Variants in WDFY1 observed in about 807,000 individuals in gnomAD.
WDFY1 encodes WD repeat and FYVE domain containing 1, also known as WD repeat and FYVE domain-containing protein 1.
In WDFY1, 32 loss-of-function variants were observed where a neutral mutation model predicts 56.4. The observed-to-expected ratio is 0.57, with a 90% confidence interval of 0.43 to 0.76. WDFY1 has a LOEUF of 0.76. Ranked by LOEUF, WDFY1 falls within the 30% of genes least tolerant of loss-of-function variation. The probability of loss-of-function intolerance (pLI) is 0.00; values close to 1 mark genes in which losing one functional copy is unlikely to be tolerated. For synonymous variants in WDFY1, 192 were observed against 197.3 expected (o/e 0.97, Z 0.23); for missense variants, 480 against 545.7 (o/e 0.88, Z 1.20).
rs1185534278 is a variant in WDFY1 at position 223,875,848 on chromosome 2, T to C, written c.*2823A>G. The stretch of plus-strand genomic sequence containing the variant: ...GTAGAAGTACTTTAACGAAAACTGA[T>C]TTTAGAAAAATATCTCCTTGGGTCT... On this transcript the variant is annotated 3_prime_UTR_variant, in exon 12 of 12. Coordinates refer to ENST00000233055, the MANE Select transcript of WDFY1 (RefSeq NM_020830.5). The C allele has an allele frequency of 1.3e-5, 2 of 152,154 alleles. No homozygotes were observed. Among genetic ancestry groups the C allele is most frequent in the Admixed American group, 6.5e-5 (1 of 15,270 alleles). 9.4% of individuals were successfully genotyped at this position (152,154 alleles called of 1,614,324 possible).
Position 223,917,938 on chromosome 2 carries a change from C to T in WDFY1, c.205+5G>A. 2 of 1,614,006 alleles carry T rather than the reference C, an allele frequency of 1.2e-6. No homozygotes were observed. Among genetic ancestry groups the T allele is most frequent in the South Asian group, 2.2e-5 (2 of 91,048 alleles). On this transcript the variant is annotated splice_donor_5th_base_variant and intron_variant, in intron 2 of 11. Transcript: ENST00000233055. Reference sequence around the variant, plus strand: ...TCTCTCAAATGGAACAGTTCAGCTACTTACAGGCCATTGTGTGGTAAATGC... The same window carrying T: ...TCTCTCAAATGGAACAGTTCAGCTATTTACAGGCCATTGTGTGGTAAATGC...
At chr2:223,918,162 T>C (rs530604943) in intron 1 of WDFY1, 152 bp from the exon 2 acceptor site, 108 of 655,424 alleles carry the variant, frequency 1.6e-4, no homozygotes, top group African/African-American at 1.6e-3. Context: ...TATACATACA[T>C]GTACACATAC....
chr2:223,939,028 T>C (rs1689250412), intron 1 of WDFY1, among the ~76,000 whole-genome samples: 1 of 152,060 alleles, frequency 6.6e-6, no homozygotes, highest in Non-Finnish European at 1.5e-5. Context: ...CTAATTTCTG[T>C]ATTCAGTATT....
At chr2:223,902,813 G>A (rs1693527029) in intron 4 of WDFY1, among the ~76,000 whole-genome samples, 1 of 150,708 alleles carries the variant, frequency 6.6e-6, no homozygotes, top group Admixed American at 6.6e-5. Context: ...TACGCCTAAA[G>A]TCTAATAAGT....
chr2:223,938,573 G>A (rs1164792153), intron 1 of WDFY1, among the ~76,000 whole-genome samples: 1 of 152,168 alleles, frequency 6.6e-6, no homozygotes, highest in Non-Finnish European at 1.5e-5. Flanking sequence ...CATACAAGAA[G>A]TAGTACCATT....
intron 1 of WDFY1, among the ~76,000 whole-genome samples, chr2:223,925,122 G>C (rs1417496036): frequency 2.0e-5 from 3 of 151,222 alleles, no homozygotes; most frequent in African/African-American, 7.3e-5. Flanking sequence ...GTTAATGATA[G>C]AGTAATTCAA....
At chr2:223,880,045 A>T in intron 11 of WDFY1, 79 bp downstream of exon 11, 1 of 1,219,180 alleles carries the variant, frequency 8.2e-7, no homozygotes, top group Non-Finnish European at 1.2e-6. Context: ...AGTCAGAAAG[A>T]GTGACTGTCT....
At chr2:223,916,090 T>G (rs1423071298) in intron 2 of WDFY1, among the ~76,000 whole-genome samples, 1 of 152,336 alleles carries the variant, frequency 6.6e-6, no homozygotes, top group Non-Finnish European at 1.5e-5. Flanking sequence ...CCTTTCATAA[T>G]AGTTATCTTT....
Position 223,901,248 on chromosome 2 carries a change from C to A in WDFY1, c.420G>T (p.Trp140Cys), listed in dbSNP as rs2106082402. The change falls in exon 5 of 12, where the codon TGG (tryptophan) becomes TGT (cysteine). Residue 140 changes from tryptophan (W) to cysteine (C), a missense_variant. Transcript: ENST00000233055. Reference sequence around the variant, plus strand: ...GCATGTTCCCGCTCCGCGTGCACATCCAGCTCACACACTTGTCGTGGCCGG... The same window carrying A: ...GCATGTTCCCGCTCCGCGTGCACATACAGCTCACACACTTGTCGTGGCCGG... ...ISTGHDKCVS[W>C]MCTRSGNMLG... The A allele has an allele frequency of 6.2e-7, 1 of 1,614,156 alleles. No individual in the cohort carries two copies. The highest frequency in any genetic ancestry group is 8.5e-7 in the Non-Finnish European group (1 of 1,180,022).
intron 8 of WDFY1, among the ~76,000 whole-genome samples, chr2:223,887,504 G>A (rs996744646): frequency 3.3e-5 from 5 of 152,176 alleles, no homozygotes; most frequent in South Asian, 4.1e-4. Flanking sequence ...CAGGGAATTC[G>A]ATGTTTAATT....
At chr2:223,895,290 T>TTTTG (rs141841329) in intron 7 of WDFY1, among the ~76,000 whole-genome samples, 2 of 152,088 alleles carry the variant, frequency 1.3e-5, no homozygotes, top group Non-Finnish European at 2.9e-5. Flanking sequence ...GCATTTGTTT[T>TTTTG]TTTGTTTGTT....
intron 2 of WDFY1, among the ~76,000 whole-genome samples, chr2:223,915,884 G>C (rs1462791562): frequency 6.6e-6 from 1 of 152,120 alleles, no homozygotes; most frequent in Non-Finnish European, 1.5e-5. Context: ...TATCAGACAG[G>C]CTCCATAAGC....
At chr2:223,896,744 C>T (rs985886129) in intron 6 of WDFY1, among the ~76,000 whole-genome samples, 17 of 152,182 alleles carry the variant, frequency 1.1e-4, no homozygotes, top group Admixed American at 5.2e-4. Context: ...CATACACTTT[C>T]CAAAAACAGA....
At chr2:223,926,631 C>CAT in intron 1 of WDFY1, among the ~76,000 whole-genome samples, 1 of 146,904 alleles carries the variant, frequency 6.8e-6, no homozygotes, top group East Asian at 2.0e-4. Context: ...GTGTGTATTT[C>CAT]ATATATATAC....
chr2:223,890,832 G>A (rs1434655566), intron 8 of WDFY1, among the ~76,000 whole-genome samples: 1 of 152,286 alleles, frequency 6.6e-6, no homozygotes, highest in East Asian at 1.9e-4. Flanking sequence ...TTTTCAAGAA[G>A]ATTCATTCTA....
intron 4 of WDFY1, among the ~76,000 whole-genome samples, chr2:223,903,757 C>A (rs1245735041): frequency 6.6e-6 from 1 of 150,570 alleles, no homozygotes; most frequent in East Asian, 2.0e-4. Context: ...CTCAAGTGAT[C>A]CTCCCACCTC....
intron 1 of WDFY1, among the ~76,000 whole-genome samples, chr2:223,941,510 C>T (rs967800731): frequency 6.6e-6 from 1 of 152,130 alleles, no homozygotes; most frequent in Non-Finnish European, 1.5e-5. Flanking sequence ...ACGACCTTCT[C>T]TAGGAGGCTG....
In WDFY1 at chr2:223,909,856, C is replaced by G. The variant is rs1693662881; in HGVS notation, c.279+2397G>C. Among the ~76,000 whole-genome samples the G allele has an allele frequency of 2.6e-5, 4 of 152,238 alleles. No individual in the cohort carries two copies. In the South Asian group the frequency reaches 8.3e-4, roughly 32 times the overall value. On this transcript the variant is annotated intron_variant, in intron 3 of 11. Coordinates refer to ENST00000233055, the MANE Select transcript of WDFY1 (RefSeq NM_020830.5). ...ACCGCCACTCTGGCCGTGCCTCAAT[C>G]TGTTCTCTACCCAGTAGCTAGGGTG...
At chr2:223,942,281 A>G (rs1162971495) in intron 1 of WDFY1, among the ~76,000 whole-genome samples, 3 of 150,236 alleles carry the variant, frequency 2.0e-5, no homozygotes, top group African/African-American at 7.4e-5. Flanking sequence ...GTGCAGTGGC[A>G]CAATCTTGGC....
Sources: gnomAD v4.1 joint callset for allele counts (sites outside exome capture counted in the v4.1 genomes callset) on GRCh38, gnomAD v4.1.1 for gene constraint, MANE v1.5 for transcripts, NCBI Gene and HGNC (gene_info 2026-07-23, HGNC 2026-07-21) for gene names.